FOXP1: variants seen among roughly 807,000 people sequenced by gnomAD.
FOXP1 encodes forkhead box P1.
In FOXP1, 15 loss-of-function variants were observed where a neutral mutation model predicts 98.2. That is an observed-to-expected ratio of 0.15 (90% CI 0.10 to 0.24). FOXP1 has a LOEUF of 0.24. Ranked by LOEUF, FOXP1 falls within the 10% of genes least tolerant of loss-of-function variation. FOXP1 has a pLI of 1.00. For synonymous variants in FOXP1, 371 were observed against 314.5 expected (o/e 1.18, Z -1.90); for missense variants, 633 against 848.5 (o/e 0.75, Z 3.15).
chr3:70,955,414 T>G lies in FOXP1; in HGVS notation c.*3833A>C, dbSNP rs1461350246. 1 of 232,724 alleles carries G rather than the reference T, an allele frequency of 4.3e-6. No individual in the cohort carries two copies. The highest frequency in any genetic ancestry group is 2.2e-5 in the African/African-American group (1 of 45,294). 14.4% of individuals were successfully genotyped at this position (232,724 alleles called of 1,614,324 possible). On this transcript the variant is annotated 3_prime_UTR_variant, in exon 21 of 21. Coordinates refer to ENST00000649528, the MANE Select transcript of FOXP1 (RefSeq NM_001349338.3). ...TTTGTGGCTGGTCCAAGGGGCAGCCTAACTCATCTTACAAGACGGACTCTA... is the reference window on the plus strand; with the variant it reads ...TTTGTGGCTGGTCCAAGGGGCAGCCGAACTCATCTTACAAGACGGACTCTA...
chr3:71,461,582 C>A (rs1428006791), intron 3 of FOXP1, among the ~76,000 whole-genome samples: 1 of 151,950 alleles, frequency 6.6e-6, no homozygotes. Context: ...GCGGGTGGAT[C>A]ACAAGGTCAG....
chr3:71,459,309 G>T (rs918699981), intron 3 of FOXP1, among the ~76,000 whole-genome samples: 25 of 152,158 alleles, frequency 1.6e-4, no homozygotes, highest in African/African-American at 6.0e-4. Flanking sequence ...CATTTTTAAG[G>T]AAAGATAACA....
chr3:71,086,167 C>T (rs959687212), intron 7 of FOXP1, among the ~76,000 whole-genome samples: 1 of 152,192 alleles, frequency 6.6e-6, no homozygotes, highest in East Asian at 1.9e-4. Context: ...AGCATTGGAA[C>T]TGCAAATATC....
At chr3:71,502,007 G>A (rs180859761) in intron 2 of FOXP1, among the ~76,000 whole-genome samples, 1 of 152,310 alleles carries the variant, frequency 6.6e-6, no homozygotes, top group Admixed American at 6.5e-5. Flanking sequence ...CAGAAGGTTG[G>A]GAGGCGTGAC....
rs2106977418 is a variant in FOXP1 at position 71,047,099 on chromosome 3, T to C, written c.511-4A>G. The C allele has an allele frequency of 1.2e-6, 2 of 1,613,908 alleles. No individual in the cohort carries two copies. Among genetic ancestry groups the C allele is most frequent in the East Asian group, 2.2e-5 (1 of 44,882 alleles). The stretch of plus-strand genomic sequence containing the variant: ...GCTGGGTAGCCACCTGCTGTTGCTG[T>C]AAGAAATCAGGAAGAAAAAATGAGA... On this transcript the variant is annotated splice_region_variant and splice_polypyrimidine_tract_variant and intron_variant, in intron 9 of 20. Transcript: ENST00000649528.
At chr3:71,302,513 TA>T (rs34872613) in intron 4 of FOXP1, among the ~76,000 whole-genome samples, 28,269 of 131,670 alleles carry the variant, frequency 0.21, 3,463 homozygotes, top group Middle Eastern at 0.34. Context: ...AGCTTTTATG[TA>T]AAAAAAAAAA....
intron 11 of FOXP1, among the ~76,000 whole-genome samples, chr3:71,028,376 A>G (rs1050528071): frequency 2.0e-5 from 3 of 152,208 alleles, no homozygotes; most frequent in African/African-American, 7.2e-5. Context: ...AACTTGTAAA[A>G]GATGCAAATG....
rs1435022234 is a variant in FOXP1 at position 70,977,839 on chromosome 3, G to T, written c.1337C>A (p.Pro446His). 6.2e-7 allele frequency: 1 copy of T among 1,614,138 alleles called. No homozygotes were observed. The highest frequency in any genetic ancestry group is 8.5e-7 in the Non-Finnish European group (1 of 1,180,008). ...RRRYSDKYNV[P>H]ISSADIAQNQ... ...GGTGGAGTATCTACCTGACGAAATG[G>T]GCACGTTGTATTTGTCTGAGTACCG... The change falls in exon 15 of 21, where the codon CCC becomes CAC. Residue 446 changes from proline (P) to histidine (H), a missense_variant. This residue lies in a region of FOXP1 where 141 missense variants were observed against 199.5 expected (regional missense o/e 0.71). Transcript: ENST00000649528.
chr3:71,372,924 GC>G (rs1360112504), intron 3 of FOXP1, among the ~76,000 whole-genome samples: 5 of 152,072 alleles, frequency 3.3e-5, no homozygotes, highest in South Asian at 4.1e-4. Flanking sequence ...GGCCCACCTT[GC>G]CCCCTACAAA....
chr3:71,087,656 C>A, intron 7 of FOXP1, among the ~76,000 whole-genome samples: 1 of 152,112 alleles, frequency 6.6e-6, no homozygotes, highest in East Asian at 1.9e-4. Context: ...TTCAGAAAAA[C>A]CCTGCTTTGC....
chr3:71,551,562 G>A (rs1381963460), intron 2 of FOXP1, among the ~76,000 whole-genome samples: 1 of 152,140 alleles, frequency 6.6e-6, no homozygotes, highest in Non-Finnish European at 1.5e-5. Context: ...GGTTCCTCAA[G>A]TTATAGTTTA....
In FOXP1 at chr3:70,957,665, C is replaced by T. The variant is rs181957483; in HGVS notation, c.*1582G>A. On this transcript the variant is annotated 3_prime_UTR_variant, in exon 21 of 21. Coordinates refer to ENST00000649528, the MANE Select transcript of FOXP1 (RefSeq NM_001349338.3). ...AGGGGTTCTAAGGACTGAGGTTGTACTGACCTGTAACCATCACATTTCTGC... is the reference window on the plus strand; with the variant it reads ...AGGGGTTCTAAGGACTGAGGTTGTATTGACCTGTAACCATCACATTTCTGC... 4.3e-6 allele frequency: 1 copy of T among 233,286 alleles called. No individual in the cohort carries two copies. The highest frequency in any genetic ancestry group is 5.6e-5 in the Admixed American group (1 of 17,794). The allele number at this position is 233,286 out of a possible 1,614,324, so 14.5% of individuals were successfully genotyped here.
At chr3:71,460,008 A>G (rs2108532833) in intron 3 of FOXP1, among the ~76,000 whole-genome samples, 2 of 149,542 alleles carry the variant, frequency 1.3e-5, no homozygotes, top group Middle Eastern at 3.5e-3. Context: ...ATCTCGGCTC[A>G]CTGCAAGCTC....
In FOXP1 at chr3:71,371,407, A is replaced by T. The variant is rs891801920; in HGVS notation, c.-167-12163T>A. Among the ~76,000 whole-genome samples the T allele has an allele frequency of 4.6e-5, 7 of 152,274 alleles. No individual in the cohort carries two copies. The East Asian group carries it at 1.4e-3, about 29-fold the overall frequency. Reference sequence around the variant, plus strand: ...GCCTACTCTCAAGAACACACCTGACACCGCAATCCATTCCCCAGTCCACGT... The same window carrying T: ...GCCTACTCTCAAGAACACACCTGACTCCGCAATCCATTCCCCAGTCCACGT... On this transcript the variant is annotated intron_variant, in intron 3 of 20. Coordinates refer to ENST00000649528, the MANE Select transcript of FOXP1 (RefSeq NM_001349338.3).
intron 3 of FOXP1, among the ~76,000 whole-genome samples, chr3:71,440,505 G>A (rs971750710): frequency 4.6e-5 from 7 of 151,918 alleles, no homozygotes; most frequent in African/African-American, 7.3e-5. Flanking sequence ...GTGAAACCCC[G>A]TCTCTACTAA....
At chr3:71,370,756 A>G (rs145403210) in intron 3 of FOXP1, among the ~76,000 whole-genome samples, 1 of 151,476 alleles carries the variant, frequency 6.6e-6, no homozygotes, top group African/African-American at 2.4e-5. Context: ...AGGTCTTGTT[A>G]CAAGCACATT....
intron 5 of FOXP1, among the ~76,000 whole-genome samples, chr3:71,215,178 A>C (rs1290511465): frequency 6.6e-6 from 1 of 152,224 alleles, no homozygotes; most frequent in African/African-American, 2.4e-5. Context: ...GCCAATTTTT[A>C]AGTTTTCAAC....
intron 2 of FOXP1, among the ~76,000 whole-genome samples, chr3:71,509,982 C>T (rs1163840589): frequency 1.3e-5 from 2 of 151,616 alleles, no homozygotes; most frequent in Non-Finnish European, 1.5e-5. Context: ...AGTTGGAGAC[C>T]AGCCTGGCCA....
intron 6 of FOXP1, among the ~76,000 whole-genome samples, chr3:71,171,270 A>G (rs2061640319): frequency 6.6e-6 from 1 of 152,196 alleles, no homozygotes; most frequent in Non-Finnish European, 1.5e-5. Context: ...AGACATATAG[A>G]TAAATAGAAG....
Sources: gnomAD v4.1 joint callset for allele counts (sites outside exome capture counted in the v4.1 genomes callset) on GRCh38, gnomAD v4.1.1 for gene constraint, gnomAD v4.1.1 regional missense constraint, MANE v1.5 for transcripts, NCBI Gene and HGNC (gene_info 2026-07-23, HGNC 2026-07-21) for gene names.